The following AHCTF1 variants were observed in gnomAD, a reference collection of about 807,000 sequenced individuals.
The protein encoded by AHCTF1 is AT-hook containing transcription factor 1, also known as protein ELYS.
In AHCTF1, 24 loss-of-function variants were observed where a neutral mutation model predicts 248.4. That is an observed-to-expected ratio of 0.10 (90% CI 0.07 to 0.14). The LOEUF (loss-of-function observed/expected upper bound fraction) is 0.14, where lower values mean the gene tolerates loss of function less well. Among genes scored for constraint, AHCTF1 ranks in the 10% least tolerant of loss-of-function variants. The pLI is 1.00. For missense variants in AHCTF1, 2,206 were observed against 2,636.2 expected, an observed-to-expected ratio of 0.84 and a Z score of 3.57; for synonymous variants, 786 against 929.8, an observed-to-expected ratio of 0.85 and a Z score of 2.81.
chr1:246,913,280 G>C lies in AHCTF1; in HGVS notation c.508C>G (p.Leu170Val), dbSNP rs778207893. ...TDVGQILLVD[L>V]CLDDLSCNQN... ...TTGCATGACAAGTCATCCAAACATA[G>C]GTCAACAAGAAGGATCTGTCCAACA... Residue 170 changes from leucine to valine, a missense_variant, in exon 4 of 36, where the codon CTA becomes GTA. Leu to Val is a conservative substitution (Grantham distance 32). This residue lies in a region of AHCTF1 where 650 missense variants were observed against 870.8 expected (regional missense o/e 0.75). Transcript: ENST00000648844. 9.9e-6 allele frequency: 16 copies of C among 1,612,388 alleles called. No homozygotes were observed. Among genetic ancestry groups the C allele is most frequent in the Non-Finnish European group, 1.4e-5 (16 of 1,179,172 alleles).
rs561184928 is a variant in AHCTF1, at chr1:246,869,135, G to A, written c.3089-1324C>T. Among the ~76,000 whole-genome samples the A allele has an allele frequency of 4.2e-4, 64 of 151,946 alleles. 1 individual carries two copies. Among genetic ancestry groups the A allele is most frequent in the South Asian group, 3.1e-3 (15 of 4,812 alleles). ...CTGGATTACAGGCGTGAGCCACCAC[G>A]CCCGGCCGTGTGTTTTGTTTTTTTA... On this transcript the variant is annotated intron_variant, in intron 24 of 35. Coordinates refer to ENST00000648844, the MANE Select transcript of AHCTF1 (RefSeq NM_001323342.2).
chr1:246,891,751 C>A, intron 15 of AHCTF1, 28 bp downstream of exon 15: 1 of 1,601,146 alleles, frequency 6.2e-7, no homozygotes, highest in South Asian at 1.1e-5. Context: ...TTTAATAAAA[C>A]ACTCATTTGA....
intron 24 of AHCTF1, among the ~76,000 whole-genome samples, chr1:246,868,579 T>C (rs1354610085): frequency 1.3e-5 from 2 of 148,636 alleles, no homozygotes; most frequent in South Asian, 4.2e-4. Context: ...ATAGCTATGC[T>C]GGATTTAGGA....
At chr1:246,886,541 T>C (rs1558248272) in intron 20 of AHCTF1, among the ~76,000 whole-genome samples, 1 of 152,078 alleles carries the variant, frequency 6.6e-6, no homozygotes, top group Non-Finnish European at 1.5e-5. Context: ...GTGTAACATC[T>C]AGGGAATAAT....
rs114053005 is a variant in AHCTF1 at position 246,857,556 on chromosome 1, A to G, written c.4256+135T>C. On this transcript the variant is annotated intron_variant, in intron 30 of 35. Transcript: ENST00000648844. ...TAACTGCACAACTAAACTTCTTTTA[A>G]AACAGCCAACATTACCAAAATGGAG... 1,531 of 979,858 alleles carry G rather than the reference A, an allele frequency of 1.6e-3. 19 individuals are homozygous for G. In the African/African-American group the frequency reaches 0.022, roughly 14 times the overall value. The allele number at this position is 979,858 out of a possible 1,614,324, so 60.7% of individuals were successfully genotyped here.
At position 246,895,908 on chromosome 1, in the gene AHCTF1, A is replaced by G. The variant is rs146287436; in HGVS notation, c.1641T>C (p.Ala547=). Residue 547 remains alanine, a synonymous_variant, in exon 13 of 36, where the codon GCT becomes GCC. Transcript: ENST00000648844. ...SSLSQEEQLE[A]ILSAAIQTSS... ...TAGTCTGAATTGCTGCTGACAATAT[A>G]GCTTCTAACTGTTCTTCCTAAACCA... 21 of 1,613,456 alleles carry G rather than the reference A, an allele frequency of 1.3e-5. No homozygotes were observed. In the African/African-American group the frequency reaches 2.1e-4, roughly 16 times the overall value.
intron 27 of AHCTF1, among the ~76,000 whole-genome samples, chr1:246,862,743 G>C (rs958343259): frequency 2.0e-5 from 3 of 151,980 alleles, no homozygotes; most frequent in Non-Finnish European, 4.4e-5. Flanking sequence ...TTAAATTATA[G>C]AATTATACAA....
chr1:246,850,639 G>C lies in AHCTF1; in HGVS notation c.5367C>G (p.Ile1789Met), dbSNP rs138844491. 7.5e-5 allele frequency: 121 copies of C among 1,613,746 alleles called. No homozygotes were observed. The highest frequency in any genetic ancestry group is 2.5e-4 in the Admixed American group (15 of 59,980). The stretch of plus-strand genomic sequence containing the variant: ...GAGATAGTCCTCTGACATCAGAATA[G>C]ATGTTTTCAGAAGCTTCAGAAATTT... ...AKEISEASEN[I>M]YSDVRGLSQN... The change falls in exon 33 of 36, where the codon ATC becomes ATG. Residue 1789 changes from isoleucine to methionine, a missense_variant. Ile to Met is a conservative substitution (Grantham distance 10, BLOSUM62 1). Coordinates refer to ENST00000648844, the MANE Select transcript of AHCTF1 (RefSeq NM_001323342.2).
At chr1:246,929,302 G>A (rs1292836276) in intron 1 of AHCTF1, among the ~76,000 whole-genome samples, 2 of 152,088 alleles carry the variant, frequency 1.3e-5, no homozygotes, top group Admixed American at 1.3e-4. Context: ...CCAGCTACTC[G>A]GGAGGCTGAG....
chr1:246,892,954 T>G (rs554101909), intron 14 of AHCTF1, among the ~76,000 whole-genome samples: 18 of 152,324 alleles, frequency 1.2e-4, no homozygotes, highest in Non-Finnish European at 2.2e-4. Context: ...TCTCTAATAC[T>G]TTTAAAACAC....
chr1:246,921,500 C>T (rs1018929933), intron 1 of AHCTF1, among the ~76,000 whole-genome samples: 4 of 152,132 alleles, frequency 2.6e-5, no homozygotes, highest in African/African-American at 9.7e-5. Flanking sequence ...ATTCAGAATG[C>T]AGCACAAAGG....
intron 4 of AHCTF1, among the ~76,000 whole-genome samples, chr1:246,908,150 T>C (rs1251262439): frequency 6.6e-6 from 1 of 152,022 alleles, no homozygotes; most frequent in African/African-American, 2.4e-5. Flanking sequence ...ATACATAAAA[T>C]GAGCCTGGTA....
rs184092347 is a variant in AHCTF1 at position 246,916,630 on chromosome 1, C to T, written c.122-235G>A. Among the ~76,000 whole-genome samples, 7 of 152,154 alleles carry T rather than the reference C, an allele frequency of 4.6e-5. No homozygotes were observed. The South Asian group carries it at 6.2e-4, about 14-fold the overall frequency. On this transcript the variant is annotated intron_variant, in intron 2 of 35. Coordinates refer to ENST00000648844, the MANE Select transcript of AHCTF1 (RefSeq NM_001323342.2). The stretch of plus-strand genomic sequence containing the variant: ...GATCATGCCACTGCACTCCAGCCTG[C>T]GTGACAGAGCAAGACTTCATCTCAA...
Position 246,876,086 on chromosome 1 carries a change from A to C in AHCTF1, c.3039T>G (p.Ile1013Met). The C allele has an allele frequency of 6.2e-7, 1 of 1,609,382 alleles. No homozygotes were observed. The highest frequency in any genetic ancestry group is 8.5e-7 in the Non-Finnish European group (1 of 1,178,246). Reference sequence around the variant, plus strand: ...ACAGATGATAAGGCTTAGCTCGTTCAATGGCTAATTTTCGATGGACTCTAG... The same window carrying C: ...ACAGATGATAAGGCTTAGCTCGTTCCATGGCTAATTTTCGATGGACTCTAG... ...ILPRVHRKLA[I>M]ERAKPYHLST... is the part of the protein sequence containing the mutation. The change falls in exon 24 of 36, where the codon ATT (isoleucine) becomes ATG (methionine). Residue 1013 changes from isoleucine (I) to methionine (M), a missense_variant. Transcript: ENST00000648844.
chr1:246,907,795 T>C, intron 4 of AHCTF1, 37 bp from the exon 5 acceptor site: 2 of 1,563,796 alleles, frequency 1.3e-6, no homozygotes, highest in South Asian at 1.2e-5. Flanking sequence ...GTTAAAAAAC[T>C]AGAAACAGCA....
At chr1:246,843,362 C>G (rs1272915243) in intron 34 of AHCTF1, among the ~76,000 whole-genome samples, 1 of 152,214 alleles carries the variant, frequency 6.6e-6, no homozygotes, top group African/African-American at 2.4e-5. Flanking sequence ...CTGAATTATT[C>G]TTGTGTAATT....
In AHCTF1 at chr1:246,866,848, T is replaced by C. The variant is rs73142253; in HGVS notation, c.3347+396A>G. On this transcript the variant is annotated intron_variant, in intron 26 of 35. Transcript: ENST00000648844. Reference sequence around the variant, plus strand: ...AGGTAAGATGTAAACGTGCTGCATCTGAAGCAACACAAGACATTTTAGTAG... The same window carrying C: ...AGGTAAGATGTAAACGTGCTGCATCCGAAGCAACACAAGACATTTTAGTAG... Among the ~76,000 whole-genome samples the C allele has an allele frequency of 3.2e-3, 488 of 152,274 alleles. 5 individuals are homozygous for C. Among genetic ancestry groups the C allele is most frequent in the African/African-American group, 0.011 (469 of 41,568 alleles).
At chr1:246,842,652 C>CTCAATCAA in intron 35 of AHCTF1, 42 bp downstream of exon 35, 1 of 1,535,160 alleles carries the variant, frequency 6.5e-7, no homozygotes, top group South Asian at 1.1e-5. Context: ...GCGAGACTGT[C>CTCAATCAA]TCAATCAATC....
Position 246,883,783 on chromosome 1 carries a change from C to A in AHCTF1, c.2660+1710G>T, listed in dbSNP as rs530796841. The stretch of plus-strand genomic sequence containing the variant: ...CCTTAATGTGCTAGTTTTCTGGGGA[C>A]TGGAAAATTGAGACTTTTTCCAACT... On this transcript the variant is annotated intron_variant, in intron 21 of 35. Coordinates refer to ENST00000648844, the MANE Select transcript of AHCTF1 (RefSeq NM_001323342.2). Among the ~76,000 whole-genome samples, 94 of 152,218 alleles carry A rather than the reference C, an allele frequency of 6.2e-4. No individual in the cohort carries two copies. In the South Asian group the frequency reaches 0.019, roughly 30 times the overall value.
Sources: allele counts gnomAD v4.1 joint callset (sites outside exome capture counted in the v4.1 genomes callset), GRCh38; gene constraint gnomAD v4.1.1; regional missense constraint gnomAD v4.1.1; transcripts MANE v1.5; gene names NCBI Gene and HGNC (gene_info 2026-07-23, HGNC 2026-07-21).